The following KCNH4 variants were observed in gnomAD, a reference collection of about 807,000 sequenced individuals.
The protein encoded by KCNH4 is voltage-gated delayed rectifier potassium channel KCNH4.
A neutral mutation model predicts 90.7 loss-of-function variants in KCNH4; 33 were observed. The ratio of observed to expected loss-of-function variants is 0.36; its 90% CI spans 0.28 to 0.49. The LOEUF is 0.49. Ranked by LOEUF, KCNH4 falls within the 20% of genes least tolerant of loss-of-function variation. KCNH4 has a pLI of 0.98. For missense variants in KCNH4, 1,044 were observed against 1,387.1 expected (o/e 0.75, Z 3.93); for synonymous variants, 551 against 581.7 (o/e 0.95, Z 0.76).
intron 8 of KCNH4, 94 bp from the exon 9 acceptor site, chr17:42,169,770 G>T: frequency 1.5e-6 from 2 of 1,332,002 alleles, no homozygotes; most frequent in Non-Finnish European, 1.1e-6. Context: ...AAGAGCCAGC[G>T]GGCTCCTGTG....
chr17:42,172,049 C>CA, intron 6 of KCNH4, 54 bp from the exon 7 acceptor site: 1 of 1,469,296 alleles, frequency 6.8e-7, no homozygotes, highest in Non-Finnish European at 9.3e-7. Flanking sequence ...TCCGAGCCCT[C>CA]AGAGTCCCCT....
In KCNH4 at chr17:42,170,242, C is replaced by T. The variant is rs61737348; in HGVS notation, c.1255G>A (p.Gly419Ser). The change falls in exon 8 of 17, where the codon GGC (glycine) becomes AGC (serine). Residue 419 changes from glycine to serine, a missense_variant. Physicochemically the swap from Gly to Ser is moderately conservative, Grantham distance 56 (BLOSUM62 0). Coordinates refer to ENST00000264661, the MANE Select transcript of KCNH4 (RefSeq NM_012285.3). ...ATGTAGGCGCTGCGCCGTGATGGGC[C>T]GCCCACCGAGCCATTGACATAGGGC... ...EVPYVNGSVG[G>S]PSRRSAYIAA... 7 of 1,608,800 alleles carry T rather than the reference C, an allele frequency of 4.4e-6. No homozygotes were observed. Among genetic ancestry groups the T allele is most frequent in the African/African-American group, 1.3e-5 (1 of 74,912 alleles).
intron 1 of KCNH4, among the ~76,000 whole-genome samples, 168 bp from the exon 2 acceptor site, chr17:42,179,194 A>C (rs2079885012): frequency 1.3e-5 from 2 of 152,098 alleles, no homozygotes; most frequent in African/African-American, 2.4e-5. Flanking sequence ...AGAATTGGAG[A>C]AGTTGGAGCA....
At chr17:42,157,355 C>T (rs1374877781) in intron 16 of KCNH4, among the ~76,000 whole-genome samples, 1 of 152,070 alleles carries the variant, frequency 6.6e-6, no homozygotes. Flanking sequence ...GCAGAATCTG[C>T]GTTTTAATAG....
At chr17:42,175,788 A>G (rs2079856502) in intron 5 of KCNH4, 52 bp from the exon 6 acceptor site, 1 of 1,603,216 alleles carries the variant, frequency 6.2e-7, no homozygotes, top group East Asian at 2.2e-5. Flanking sequence ...GGGTCAAGAA[A>G]CCGACAAAGC....
Position 42,163,448 on chromosome 17 carries a change from C to T in KCNH4, c.2478-114G>A, listed in dbSNP as rs1034307637. ...CAGGGGGCGGAGCAAGAGCAGCAGT[C>T]AAAGTGGGTTGGGGTTGCAAGCTGT... On this transcript the variant is annotated intron_variant, in intron 13 of 16. Transcript: ENST00000264661. The surrounding 1 kb of genome is among the most constrained non-coding windows in gnomAD (Gnocchi z 5.4). 2.4e-6 allele frequency: 2 copies of T among 842,170 alleles called. No individual in the cohort carries two copies. Among genetic ancestry groups the T allele is most frequent in the Non-Finnish European group, 3.8e-6 (2 of 524,078 alleles). 52.2% of individuals were successfully genotyped at this position (842,170 alleles called of 1,614,324 possible).
intron 15 of KCNH4, among the ~76,000 whole-genome samples, chr17:42,161,938 G>A (rs1329434064): frequency 2.6e-5 from 4 of 151,254 alleles, no homozygotes; most frequent in Non-Finnish European, 4.4e-5. Context: ...TCTAGCTAGC[G>A]TGAATATCTC....
chr17:42,160,465 G>A, intron 15 of KCNH4, 30 bp from the exon 16 acceptor site: 1 of 1,550,340 alleles, frequency 6.5e-7, no homozygotes, highest in Non-Finnish European at 8.7e-7. Context: ...TTGTTTCACA[G>A]GTGCCACAGT....
At position 42,180,336 on chromosome 17, in the gene KCNH4, A is replaced by C. The variant is rs894050259; in HGVS notation, c.76+534T>G. 5.3e-5 allele frequency among the ~76,000 whole-genome samples: 8 copies of C among 152,020 alleles called. No individual in the cohort carries two copies. Among genetic ancestry groups the C allele is most frequent in the African/African-American group, 1.9e-4 (8 of 41,372 alleles). ...CCCAAGCTACGTTGGGCGAGCTGGG[A>C]GTTCCCACCGTCGCACAGACCGCTC... On this transcript the variant is annotated intron_variant, in intron 1 of 16. Transcript: ENST00000264661. The surrounding 1 kb of genome is among the most constrained non-coding windows in gnomAD (Gnocchi z 4.7).
Position 42,176,272 on chromosome 17 carries a change from A to G in KCNH4, c.611T>C (p.Val204Ala), listed in dbSNP as rs1210065725. 1 of 1,613,210 alleles carries G rather than the reference A, an allele frequency of 6.2e-7. No individual in the cohort carries two copies. The highest frequency in any genetic ancestry group is 1.1e-5 in the South Asian group (1 of 91,046). The change falls in exon 5 of 17, where the codon GTG becomes GCG. Residue 204 changes from valine to alanine, a missense_variant. By Grantham distance (64) the Val-to-Ala change is moderately conservative. Transcript: ENST00000264661. ...NNNVFEPKPS[V>A]PEYKVASVGG... The stretch of plus-strand genomic sequence containing the variant: ...CACGGAGGCCACCTTGTACTCGGGC[A>G]CTGATGGCTTTGGCTCAAACACGTT...
chr17:42,179,508 A>G (rs1303093939), intron 1 of KCNH4, among the ~76,000 whole-genome samples: 54 of 152,216 alleles, frequency 3.5e-4, no homozygotes. Context: ...CTTGGGGAGA[A>G]CAAGTCCTAG....
chr17:42,159,487 G>A (rs1465739734), intron 16 of KCNH4, among the ~76,000 whole-genome samples: 2 of 152,054 alleles, frequency 1.3e-5, no homozygotes, highest in Non-Finnish European at 2.9e-5. Flanking sequence ...AAGAAATCAT[G>A]GGTTGCTCAA....
chr17:42,163,939 C>A lies in KCNH4; in HGVS notation c.2144G>T (p.Gly715Val). 6.5e-7 allele frequency: 1 copy of A among 1,542,606 alleles called. No homozygotes were observed. The highest frequency in any genetic ancestry group is 8.7e-7 in the Non-Finnish European group (1 of 1,144,380). Residue 715 changes from glycine to valine, a missense_variant, in exon 13 of 17, where the codon GGC (glycine) becomes GTC (valine). Transcript: ENST00000264661. The surrounding 1 kb of genome is among the most constrained non-coding windows in gnomAD (Gnocchi z 5.4). ...TGGCAGCGTCTTGTCTGAGGAGGAG[C>A]CGAGGCTTTCTGAGCGGGGCTGCGG... ...RLSQPRSESL[G>V]SSSDKTLPSI...
At chr17:42,172,078 G>C in intron 6 of KCNH4, 83 bp from the exon 7 acceptor site, 1 of 1,184,496 alleles carries the variant, frequency 8.4e-7, no homozygotes, top group Non-Finnish European at 1.2e-6. Flanking sequence ...CTTCCCACCA[G>C]ACAACCTGGA....
Position 42,178,089 on chromosome 17 carries a change from G to A in KCNH4, c.585+11C>T, listed in dbSNP as rs2079874699. The A allele has an allele frequency of 6.2e-7, 1 of 1,612,158 alleles. No individual in the cohort carries two copies. Among genetic ancestry groups the A allele is most frequent in the Middle Eastern group, 1.7e-4 (1 of 5,890 alleles). On this transcript the variant is annotated intron_variant, in intron 4 of 16. Transcript: ENST00000264661. ...GGACTTGGGAGATGTTGGGTTGGGGGTGGGACTCACATTATTGGCCTTCAT... is the reference window on the plus strand; with the variant it reads ...GGACTTGGGAGATGTTGGGTTGGGGATGGGACTCACATTATTGGCCTTCAT...
Position 42,163,522 on chromosome 17 carries a change from G to T in KCNH4, c.2477+84C>A. On this transcript the variant is annotated intron_variant, in intron 13 of 16. Transcript: ENST00000264661. The surrounding 1 kb of genome is among the most constrained non-coding windows in gnomAD (Gnocchi z 5.4). ...ACGGGCAGAGACGGAATGTAGCACT[G>T]TTTGGAACGCCAGGGATAGAGCCCA... is the stretch of plus-strand genomic sequence containing the variant. The T allele has an allele frequency of 2.6e-6, 2 of 781,504 alleles. No individual in the cohort carries two copies. Among genetic ancestry groups the T allele is most frequent in the Non-Finnish European group, 2.1e-6 (1 of 481,952 alleles). 48.4% of individuals were successfully genotyped at this position (781,504 alleles called of 1,614,324 possible).
chr17:42,178,718 T>C, intron 2 of KCNH4, 75 bp downstream of exon 2: 1 of 1,341,134 alleles, frequency 7.5e-7, no homozygotes, highest in Non-Finnish European at 1.0e-6. Context: ...GCACTCAGAC[T>C]CCTACTGTGC....
At chr17:42,171,554 C>T (rs369795986) in intron 7 of KCNH4, among the ~76,000 whole-genome samples, 21 of 152,248 alleles carry the variant, frequency 1.4e-4, no homozygotes, top group African/African-American at 4.8e-4. Flanking sequence ...ACTTTGATCA[C>T]TATCACTGGT....
intron 9 of KCNH4, among the ~76,000 whole-genome samples, chr17:42,167,958 A>G (rs971003588): frequency 1.3e-5 from 2 of 152,064 alleles, no homozygotes; most frequent in African/African-American, 2.4e-5. Flanking sequence ...CAGCACTCAC[A>G]TGCCCATTCC....
Sources: allele counts gnomAD v4.1 joint callset (sites outside exome capture counted in the v4.1 genomes callset), GRCh38; gene constraint gnomAD v4.1.1; non-coding constraint Gnocchi (gnomAD v3.1); transcripts MANE v1.5; gene names NCBI Gene and HGNC (gene_info 2026-07-23, HGNC 2026-07-21).